The following TBC1D32 variants were observed in gnomAD, a reference collection of about 807,000 sequenced individuals.
TBC1D32 encodes TBC1 domain family member 32.
Under a neutral mutation model 170.3 loss-of-function variants are expected in TBC1D32, and 151 were observed. The ratio of observed to expected loss-of-function variants is 0.89; its 90% CI spans 0.78 to 1.01. The LOEUF (loss-of-function observed/expected upper bound fraction) is 1.01, where lower values mean the gene tolerates loss of function less well. Ranked by LOEUF, TBC1D32 falls within the 50% of genes least tolerant of loss-of-function variation. The probability of loss-of-function intolerance (pLI) is 0.00; values close to 1 mark genes in which losing one functional copy is unlikely to be tolerated. For missense variants in TBC1D32, 1,464 were observed against 1,457.1 expected, an observed-to-expected ratio of 1.00 and a Z score of -0.08; for synonymous variants, 498 against 488.0, an observed-to-expected ratio of 1.02 and a Z score of -0.27.
intron 22 of TBC1D32, among the ~76,000 whole-genome samples, chr6:121,194,404 G>A (rs2133989): frequency 0.079 from 12,046 of 152,190 alleles, 1,512 homozygotes; most frequent in African/African-American, 0.27. Flanking sequence ...CAGGGATTGC[G>A]GAGATTAGTG....
intron 17 of TBC1D32, among the ~76,000 whole-genome samples, chr6:121,251,841 A>C (rs1798334461): frequency 6.6e-6 from 1 of 152,242 alleles, no homozygotes; most frequent in Admixed American, 6.5e-5. Context: ...TCTATAAGCA[A>C]CTTAAGGAAA....
intron 22 of TBC1D32, among the ~76,000 whole-genome samples, chr6:121,185,751 G>GCATCCA (rs1294939402): frequency 1.6e-4 from 25 of 152,108 alleles, no homozygotes; most frequent in African/African-American, 6.0e-4. Flanking sequence ...AGGGGTGATG[G>GCATCCA]CATCCACAAA....
intron 1 of TBC1D32, among the ~76,000 whole-genome samples, chr6:121,332,839 A>G (rs1811384362): frequency 6.6e-6 from 1 of 152,196 alleles, no homozygotes; most frequent in African/African-American, 2.4e-5. Flanking sequence ...AATAACAGGT[A>G]TTAGTAGTGA....
chr6:121,281,729 C>G, intron 13 of TBC1D32, 43 bp from the exon 14 acceptor site: 2 of 1,453,970 alleles, frequency 1.4e-6, no homozygotes, highest in East Asian at 2.5e-5. Context: ...ACATTAAATA[C>G]TTAGAACTAT....
intron 21 of TBC1D32, among the ~76,000 whole-genome samples, chr6:121,221,274 T>A (rs957984286): frequency 7.2e-5 from 11 of 152,180 alleles, no homozygotes; most frequent in Non-Finnish European, 1.6e-4. Flanking sequence ...AGTAAAAAGA[T>A]TCCTTTCAAA....
chr6:121,254,421 G>A (rs1472943954), intron 17 of TBC1D32, among the ~76,000 whole-genome samples: 1 of 151,864 alleles, frequency 6.6e-6, no homozygotes, highest in Non-Finnish European at 1.5e-5. Flanking sequence ...AATTAAAAAT[G>A]AAAATTAATT....
intron 15 of TBC1D32, among the ~76,000 whole-genome samples, chr6:121,262,631 C>T (rs1052426097): frequency 6.6e-6 from 1 of 152,034 alleles, no homozygotes; most frequent in Non-Finnish European, 1.5e-5. Context: ...CATGTGCCAC[C>T]ATACCTGGCT....
chr6:121,195,501 T>A lies in TBC1D32; in HGVS notation c.2570+9574A>T, dbSNP rs527532471. On this transcript the variant is annotated intron_variant, in intron 22 of 31. Coordinates refer to ENST00000398212, the MANE Select transcript of TBC1D32 (RefSeq NM_152730.6). ...CTGCCTATCATGAACTGGGTTCTTTTTGACCCATTAGCCATAAAGTGGGTC... is the reference window on the plus strand; with the variant it reads ...CTGCCTATCATGAACTGGGTTCTTTATGACCCATTAGCCATAAAGTGGGTC... 4.6e-5 allele frequency among the ~76,000 whole-genome samples: 7 copies of A among 152,320 alleles called. No individual in the cohort carries two copies. In the South Asian group the frequency reaches 1.5e-3, roughly 32 times the overall value.
intron 24 of TBC1D32, among the ~76,000 whole-genome samples, chr6:121,146,434 G>C (rs1215457673): frequency 1.3e-5 from 2 of 152,176 alleles, no homozygotes; most frequent in Non-Finnish European, 2.9e-5. Context: ...TAAGTGAGTT[G>C]ATATGCCTCA....
Position 121,106,022 on chromosome 6 carries a change from C to T in TBC1D32, c.3465+1G>A. The T allele has an allele frequency of 6.2e-7, 1 of 1,602,620 alleles. No individual in the cohort carries two copies. The highest frequency in any genetic ancestry group is 8.5e-7 in the Non-Finnish European group (1 of 1,172,482). Reference sequence around the variant, plus strand: ...AGAAATGCTACTCCCTTATGGATTACCTGTGATGGTGCAAAACCAGACATG... The same window carrying T: ...AGAAATGCTACTCCCTTATGGATTATCTGTGATGGTGCAAAACCAGACATG... On this transcript the variant is annotated splice_donor_variant, in intron 30 of 31. Transcript: ENST00000398212. LOFTEE classifies it high-confidence loss of function.
At chr6:121,261,543 C>T (rs1281000552) in intron 15 of TBC1D32, among the ~76,000 whole-genome samples, 2 of 152,082 alleles carry the variant, frequency 1.3e-5, no homozygotes, top group Non-Finnish European at 2.9e-5. Context: ...AGAAGAGGGA[C>T]CTGACAATTG....
chr6:121,239,238 A>C (rs367738866), intron 19 of TBC1D32, 50 bp from the exon 20 acceptor site: 1 of 1,153,712 alleles, frequency 8.7e-7, no homozygotes, highest in Non-Finnish European at 1.3e-6. Context: ...ATTTCTTTGG[A>C]TTATGAAGGA....
rs116936384 is a variant in TBC1D32 at position 121,261,079 on chromosome 6, C to G, written c.1734-4794G>C. The stretch of plus-strand genomic sequence containing the variant: ...CTCAACCCTCCTCACTGGGTGGGGT[C>G]TCCCTACAGGAACTCCAACAACTCC... On this transcript the variant is annotated intron_variant, in intron 15 of 31. Transcript: ENST00000398212. Among the ~76,000 whole-genome samples the G allele has an allele frequency of 8.8e-3, 1,333 of 152,250 alleles. 6 individuals are homozygous for G. Among genetic ancestry groups the G allele is most frequent in the Non-Finnish European group, 0.014 (985 of 68,004 alleles).
At position 121,131,743 on chromosome 6, in the gene TBC1D32, A is replaced by G; in HGVS notation, c.2783T>C (p.Leu928Pro). The change falls in exon 25 of 32, where the codon CTT becomes CCT. Residue 928 changes from leucine to proline, a missense_variant. Physicochemically the swap from Leu to Pro is moderately conservative, Grantham distance 98. Transcript: ENST00000398212. ...TTTGAGGCATAATAAAAGCTTGTCA[A>G]GATCATTGTCTAATCAGAAAGATAA... ...RNAGIKQDNDLDKLLLCLKIS... is the reference protein window; with the variant it reads ...RNAGIKQDNDPDKLLLCLKIS... 1 of 1,591,696 alleles carries G rather than the reference A, an allele frequency of 6.3e-7. No individual in the cohort carries two copies. The highest frequency in any genetic ancestry group is 8.6e-7 in the Non-Finnish European group (1 of 1,162,790).
rs577614557 is a variant in TBC1D32, at chr6:121,095,626, C to A, written c.3466-4585G>T. 8.5e-5 allele frequency among the ~76,000 whole-genome samples: 13 copies of A among 152,048 alleles called. No homozygotes were observed. The East Asian group carries it at 1.4e-3, about 16-fold the overall frequency. On this transcript the variant is annotated intron_variant, in intron 30 of 31. Coordinates refer to ENST00000398212, the MANE Select transcript of TBC1D32 (RefSeq NM_152730.6). Reference sequence around the variant, plus strand: ...CGTTCCATCAATACCTAGTTTATTGCGAGTTTTTAGCATGAAGGGGTGCTG... The same window carrying A: ...CGTTCCATCAATACCTAGTTTATTGAGAGTTTTTAGCATGAAGGGGTGCTG...
At chr6:121,315,807 T>C (rs1808852693) in intron 3 of TBC1D32, among the ~76,000 whole-genome samples, 1 of 152,174 alleles carries the variant, frequency 6.6e-6, no homozygotes, top group South Asian at 2.1e-4. Context: ...CTCTTTTCAC[T>C]ATAAGCAAAA....
chr6:121,137,206 T>G (rs1782190067), intron 24 of TBC1D32, among the ~76,000 whole-genome samples: 1 of 152,050 alleles, frequency 6.6e-6, no homozygotes, highest in African/African-American at 2.4e-5. Context: ...AATAATCCCT[T>G]TTAAACTCAC....
chr6:121,241,544 C>G lies in TBC1D32; in HGVS notation c.2166G>C (p.Arg722Ser). 6.2e-7 allele frequency: 1 copy of G among 1,613,154 alleles called. No individual in the cohort carries two copies. The highest frequency in any genetic ancestry group is 8.5e-7 in the Non-Finnish European group (1 of 1,179,538). ...AAACTCCATAGCCAAATTTTTTATGCCTGCTGACCTAACAGCATAAATAAG... is the reference window on the plus strand; with the variant it reads ...AAACTCCATAGCCAAATTTTTTATGGCTGCTGACCTAACAGCATAAATAAG... The part of the protein sequence containing the change: ...NRYAKKLQVS[R>S]HKKFGYGVLV... Residue 722 changes from arginine to serine, a missense_variant, in exon 19 of 32, where the codon AGG becomes AGC. By Grantham distance (110) the Arg-to-Ser change is moderately radical. Coordinates refer to ENST00000398212, the MANE Select transcript of TBC1D32 (RefSeq NM_152730.6).
At chr6:121,249,320 G>A (rs192624291) in intron 17 of TBC1D32, among the ~76,000 whole-genome samples, 1 of 151,760 alleles carries the variant, frequency 6.6e-6, no homozygotes, top group African/African-American at 2.4e-5. Flanking sequence ...TTACCTCAAA[G>A]TAATAAAAGC....
Sources: allele counts gnomAD v4.1 joint callset (sites outside exome capture counted in the v4.1 genomes callset), GRCh38; gene constraint gnomAD v4.1.1; transcripts MANE v1.5; gene names NCBI Gene and HGNC (gene_info 2026-07-23, HGNC 2026-07-21).